SYT1: variants seen among roughly 807,000 people sequenced by gnomAD.
The protein encoded by SYT1 is synaptotagmin 1.
Under a neutral mutation model 44.8 loss-of-function variants are expected in SYT1, and 8 were observed. The ratio of observed to expected loss-of-function variants is 0.18; its 90% CI spans 0.10 to 0.32. The LOEUF (loss-of-function observed/expected upper bound fraction) is 0.32, where lower values mean the gene tolerates loss of function less well. Ranked by LOEUF, SYT1 falls within the 10% of genes least tolerant of loss-of-function variation. The pLI, the probability that SYT1 is intolerant of heterozygous loss-of-function variation, is 1.00. For synonymous variants in SYT1, 154 were observed against 188.8 expected, an observed-to-expected ratio of 0.82 and a Z score of 1.51; for missense variants, 286 against 509.3, an observed-to-expected ratio of 0.56 and a Z score of 4.22.
intron 4 of SYT1, among the ~76,000 whole-genome samples, chr12:79,224,407 G>C (rs1592869763): frequency 6.6e-6 from 1 of 152,120 alleles, no homozygotes; most frequent in Admixed American, 6.5e-5. Context: ...AAGCATAAAA[G>C]GTTGTTATTT....
At chr12:79,207,227 A>G (rs1046072733) in intron 3 of SYT1, among the ~76,000 whole-genome samples, 9 of 152,286 alleles carry the variant, frequency 5.9e-5, no homozygotes, top group African/African-American at 1.9e-4. Flanking sequence ...CTTTAGAGCC[A>G]TGAGAACAAT....
chr12:79,184,319 G>T (rs1872694417), intron 3 of SYT1, among the ~76,000 whole-genome samples: 2 of 151,942 alleles, frequency 1.3e-5, no homozygotes, highest in South Asian at 4.1e-4. Context: ...TATGAACTAA[G>T]TTACTTGGCA....
chr12:79,048,504 T>A (rs1227303300), intron 3 of SYT1, among the ~76,000 whole-genome samples: 1 of 151,918 alleles, frequency 6.6e-6, no homozygotes, highest in Non-Finnish European at 1.5e-5. Flanking sequence ...TTCTTTTACC[T>A]GCCTGTCTGA....
At chr12:79,378,241 C>T (rs184396190) in intron 9 of SYT1, among the ~76,000 whole-genome samples, 6 of 152,314 alleles carry the variant, frequency 3.9e-5, no homozygotes, top group African/African-American at 1.4e-4. Context: ...TCCTTCCAAT[C>T]CAACCCCAGT....
chr12:79,380,491 T>G (rs73152072), intron 9 of SYT1, among the ~76,000 whole-genome samples: 8 of 152,298 alleles, frequency 5.3e-5, no homozygotes, highest in Non-Finnish European at 8.8e-5. Flanking sequence ...CACTGAAGCC[T>G]CGAAACTCCC....
chr12:78,886,899 T>G (rs1412686658), intron 1 of SYT1, among the ~76,000 whole-genome samples: 9 of 152,002 alleles, frequency 5.9e-5, no homozygotes, highest in Non-Finnish European at 1.3e-4. Context: ...TATTTAGGCA[T>G]GAGATTAAAC....
chr12:79,307,445 C>T (rs1880450667), intron 8 of SYT1, among the ~76,000 whole-genome samples: 1 of 152,132 alleles, frequency 6.6e-6, no homozygotes, highest in African/African-American at 2.4e-5. Flanking sequence ...GTGCTAACTT[C>T]AGGGAATACA....
chr12:79,001,818 T>G (rs1355182877), intron 2 of SYT1, among the ~76,000 whole-genome samples: 1 of 152,170 alleles, frequency 6.6e-6, no homozygotes, highest in Non-Finnish European at 1.5e-5. Context: ...CTGTTTTTCC[T>G]GATGTGAAGT....
chr12:78,880,379 A>G (rs1404374524), intron 1 of SYT1, among the ~76,000 whole-genome samples: 1 of 151,596 alleles, frequency 6.6e-6, no homozygotes, highest in African/African-American at 2.4e-5. Context: ...GTACATTTAT[A>G]TCTCCTCCCA....
intron 8 of SYT1, among the ~76,000 whole-genome samples, chr12:79,347,858 T>C (rs1182882278): frequency 6.6e-6 from 1 of 152,122 alleles, no homozygotes; most frequent in African/African-American, 2.4e-5. Flanking sequence ...AATGTTTGTG[T>C]TTAGGACTGC....
intron 2 of SYT1, among the ~76,000 whole-genome samples, chr12:78,994,650 C>T (rs990891251): frequency 6.6e-6 from 1 of 151,472 alleles, no homozygotes; most frequent in Non-Finnish European, 1.5e-5. Flanking sequence ...ATTCTCCTGC[C>T]TCAGCCTCCT....
chr12:79,263,637 T>C (rs1476573765), intron 4 of SYT1, among the ~76,000 whole-genome samples: 3 of 152,276 alleles, frequency 2.0e-5, no homozygotes, highest in Admixed American at 2.0e-4. Flanking sequence ...ATTTGTATAG[T>C]GACCAGGCTC....
At chr12:79,299,294 A>G (rs1880019216) in intron 7 of SYT1, 90 bp from the exon 8 acceptor site, 2 of 1,390,274 alleles carry the variant, frequency 1.4e-6, no homozygotes, top group Non-Finnish European at 2.0e-6. Context: ...TGTTTATGCA[A>G]CGTAAATATT....
intron 8 of SYT1, 41 bp downstream of exon 8, chr12:79,299,592 T>C: frequency 6.3e-7 from 1 of 1,597,546 alleles, no homozygotes; most frequent in Non-Finnish European, 8.5e-7. Context: ...CAAGCTGTAC[T>C]CGCCAGTTGC....
chr12:79,049,931 A>G (rs1242438136), intron 3 of SYT1, among the ~76,000 whole-genome samples: 1 of 152,016 alleles, frequency 6.6e-6, no homozygotes, highest in Non-Finnish European at 1.5e-5. Flanking sequence ...AAGAAATATA[A>G]AAGATAAAAA....
chr12:79,414,303 G>A (rs929266331), intron 9 of SYT1, among the ~76,000 whole-genome samples: 4 of 152,122 alleles, frequency 2.6e-5, no homozygotes, highest in Admixed American at 6.6e-5. Context: ...TGGTGAAGCC[G>A]GAGTATGGGT....
intron 2 of SYT1, among the ~76,000 whole-genome samples, chr12:78,992,212 T>A (rs1184957633): frequency 6.6e-6 from 1 of 152,230 alleles, no homozygotes; most frequent in Non-Finnish European, 1.5e-5. Context: ...CAGACACCTC[T>A]GTGTGACCCT....
intron 1 of SYT1, among the ~76,000 whole-genome samples, chr12:78,917,802 A>G (rs1454151281): frequency 5.3e-5 from 8 of 152,002 alleles, no homozygotes; most frequent in Admixed American, 2.6e-4. Context: ...GGACAGAACT[A>G]AAGCCTACGT....
At chr12:79,368,306 A>G (rs1883636992) in intron 9 of SYT1, among the ~76,000 whole-genome samples, 1 of 152,148 alleles carries the variant, frequency 6.6e-6, no homozygotes, top group African/African-American at 2.4e-5. Flanking sequence ...ATTTTTGGAC[A>G]TTTGGATTGG....
Sources: allele counts gnomAD v4.1 joint callset (sites outside exome capture counted in the v4.1 genomes callset), GRCh38; gene constraint gnomAD v4.1.1; transcripts MANE v1.5; gene names NCBI Gene and HGNC (gene_info 2026-07-23, HGNC 2026-07-21).